The following NEGR1 variants were observed in gnomAD, a reference collection of about 807,000 sequenced individuals.
The protein encoded by NEGR1 is neuronal growth regulator 1.
NEGR1 carries 10 observed loss-of-function variants against 40.9 expected under a neutral mutation model. That is an observed-to-expected ratio of 0.24 (90% CI 0.15 to 0.42). The LOEUF is 0.42. Among genes scored for constraint, NEGR1 ranks in the 10% least tolerant of loss-of-function variants. The probability of loss-of-function intolerance (pLI) is 1.00; values close to 1 mark genes in which losing one functional copy is unlikely to be tolerated. For synonymous variants in NEGR1, 185 were observed against 166.8 expected (o/e 1.11, Z -0.84); for missense variants, 352 against 438.9 (o/e 0.80, Z 1.77).
At chr1:71,505,266 C>T (rs761024948) in intron 6 of NEGR1, among the ~76,000 whole-genome samples, 6 of 151,908 alleles carry the variant, frequency 3.9e-5, no homozygotes, top group Non-Finnish European at 8.8e-5. Flanking sequence ...GGTGCCTAGC[C>T]CCTACACCCT....
rs112112294 is a variant in NEGR1, at chr1:71,864,323, C to T, written c.409+70756G>A. On this transcript the variant is annotated intron_variant, in intron 2 of 6. Transcript: ENST00000357731. Reference sequence around the variant, plus strand: ...CTGTAAGGAAGGTTTGTCCTGCTCCCTGCTTAATCTCAACAGACAATGTCC... The same window carrying T: ...CTGTAAGGAAGGTTTGTCCTGCTCCTTGCTTAATCTCAACAGACAATGTCC... Among the ~76,000 whole-genome samples, 443 of 152,222 alleles carry T rather than the reference C, an allele frequency of 2.9e-3. 2 individuals are homozygous for T. The highest frequency in any genetic ancestry group is 0.01 in the African/African-American group (425 of 41,534).
At chr1:71,660,903 A>G (rs1187339463) in intron 4 of NEGR1, among the ~76,000 whole-genome samples, 1 of 152,134 alleles carries the variant, frequency 6.6e-6, no homozygotes, top group Non-Finnish European at 1.5e-5. Flanking sequence ...CTCTGTGCCC[A>G]TATGATCTCA....
At chr1:71,738,952 T>C (rs1655122918) in intron 3 of NEGR1, among the ~76,000 whole-genome samples, 1 of 152,144 alleles carries the variant, frequency 6.6e-6, no homozygotes, top group Admixed American at 6.5e-5. Flanking sequence ...CAAATGTTTA[T>C]GACTAAGGAC....
intron 3 of NEGR1, among the ~76,000 whole-genome samples, chr1:71,771,382 G>T (rs559826344): frequency 1.3e-5 from 2 of 152,124 alleles, no homozygotes; most frequent in South Asian, 2.1e-4. Context: ...AACCACCATG[G>T]CATGTGTATA....
intron 1 of NEGR1, among the ~76,000 whole-genome samples, chr1:72,011,116 A>C (rs2100401475): frequency 6.6e-6 from 1 of 152,218 alleles, no homozygotes; most frequent in East Asian, 1.9e-4. Flanking sequence ...CTAATATAGT[A>C]CCCTCTGCAT....
chr1:72,146,907 G>T (rs1650931351), intron 1 of NEGR1, among the ~76,000 whole-genome samples: 1 of 152,068 alleles, frequency 6.6e-6, no homozygotes, highest in Non-Finnish European at 1.5e-5. Flanking sequence ...GTGAAATTTT[G>T]GGGAAGGTTG....
chr1:72,036,733 A>G (rs1398437073), intron 1 of NEGR1, among the ~76,000 whole-genome samples: 1 of 151,906 alleles, frequency 6.6e-6, no homozygotes, highest in Admixed American at 6.6e-5. Flanking sequence ...AACATCTATT[A>G]TATATTAAGA....
intron 1 of NEGR1, among the ~76,000 whole-genome samples, chr1:72,250,973 G>C (rs1418232031): frequency 6.6e-6 from 1 of 152,188 alleles, no homozygotes; most frequent in Non-Finnish European, 1.5e-5. Context: ...TAACTCTCCA[G>C]ATAAACTGAA....
Position 72,178,410 on chromosome 1 carries a change from C to T in NEGR1, c.176+103909G>A, listed in dbSNP as rs186126079. Among the ~76,000 whole-genome samples, 453 of 151,812 alleles carry T rather than the reference C, an allele frequency of 3.0e-3. 1 individual carries two copies. The highest frequency in any genetic ancestry group is 6.8e-3 in the Middle Eastern group (2 of 294). ...CCAATTAACTCTGTTCTTAGTGGCA[C>T]ACTGTCACAGCAATTCCCTTGCCCT... On this transcript the variant is annotated intron_variant, in intron 1 of 6. Coordinates refer to ENST00000357731, the MANE Select transcript of NEGR1 (RefSeq NM_173808.3).
intron 1 of NEGR1, among the ~76,000 whole-genome samples, chr1:72,190,624 ATT>A (rs1191058303): frequency 5.3e-5 from 8 of 151,580 alleles, no homozygotes; most frequent in African/African-American, 1.9e-4. Flanking sequence ...CTTCAATTTA[ATT>A]TTGTTTCTAT....
At chr1:71,603,075 C>T (rs753790632) in intron 5 of NEGR1, among the ~76,000 whole-genome samples, 2 of 152,146 alleles carry the variant, frequency 1.3e-5, no homozygotes, top group Non-Finnish European at 2.9e-5. Context: ...AATGAGATAA[C>T]ACTAGAAATG....
chr1:72,177,789 T>C (rs905762876), intron 1 of NEGR1, among the ~76,000 whole-genome samples: 1 of 151,548 alleles, frequency 6.6e-6, no homozygotes, highest in Non-Finnish European at 1.5e-5. Flanking sequence ...TTTTTGCTGT[T>C]GTTCAAGCCT....
intron 5 of NEGR1, among the ~76,000 whole-genome samples, chr1:71,607,129 T>A (rs1413782370): frequency 6.6e-6 from 1 of 152,230 alleles, no homozygotes; most frequent in East Asian, 1.9e-4. Flanking sequence ...AGAAATAAAC[T>A]CTGTTCCTCT....
rs1351271334 is a variant in NEGR1 at position 72,119,637 on chromosome 1, T to C, written c.176+162682A>G. ...CTTAGTACTTCTCAAATGGGGATGA[T>C]TTAATCCCCACTCTCCCCACATGAG... On this transcript the variant is annotated intron_variant, in intron 1 of 6. Transcript: ENST00000357731. Among the ~76,000 whole-genome samples the C allele has an allele frequency of 5.9e-5, 9 of 151,928 alleles. No homozygotes were observed. The East Asian group carries it at 1.7e-3, about 29-fold the overall frequency.
chr1:71,721,985 A>G (rs1654525044), intron 3 of NEGR1, among the ~76,000 whole-genome samples: 1 of 152,128 alleles, frequency 6.6e-6, no homozygotes, highest in African/African-American at 2.4e-5. Context: ...GCATGAGATG[A>G]GTGGAAAGTG....
intron 6 of NEGR1, among the ~76,000 whole-genome samples, chr1:71,554,556 G>A (rs1343417479): frequency 6.6e-6 from 1 of 151,020 alleles, no homozygotes; most frequent in African/African-American, 2.4e-5. Context: ...TCTTATATTG[G>A]GATTTCTCAC....
intron 1 of NEGR1, among the ~76,000 whole-genome samples, chr1:72,045,542 G>A (rs561651045): frequency 6.6e-6 from 1 of 151,702 alleles, no homozygotes; most frequent in Admixed American, 6.6e-5. Flanking sequence ...TTAAAAATGA[G>A]AGTTTCCCTG....
At chr1:71,674,833 T>A (rs985152690) in intron 4 of NEGR1, among the ~76,000 whole-genome samples, 10 of 151,966 alleles carry the variant, frequency 6.6e-5, no homozygotes, top group African/African-American at 2.2e-4. Flanking sequence ...ACTTTTTATC[T>A]AACTTTTACT....
intron 1 of NEGR1, among the ~76,000 whole-genome samples, chr1:72,061,676 A>G (rs1022415053): frequency 6.6e-6 from 1 of 151,818 alleles, no homozygotes; most frequent in African/African-American, 2.4e-5. Context: ...GCTTTTAAAA[A>G]CATAATTTTC....
Sources: gnomAD v4.1 joint callset for allele counts (sites outside exome capture counted in the v4.1 genomes callset) on GRCh38, gnomAD v4.1.1 for gene constraint, MANE v1.5 for transcripts, NCBI Gene and HGNC (gene_info 2026-07-23, HGNC 2026-07-21) for gene names.